SAMD12: variants seen among roughly 807,000 people sequenced by gnomAD.
SAMD12 encodes the protein sterile alpha motif domain containing 12, also known as sterile alpha motif domain-containing protein 12.
SAMD12 carries 9 observed loss-of-function variants against 15.0 expected under a neutral mutation model. The observed-to-expected ratio is 0.60, with a 90% CI of 0.36 to 1.05. The LOEUF (loss-of-function observed/expected upper bound fraction) is 1.05, where lower values mean the gene tolerates loss of function less well. SAMD12 is among the 50% of genes least tolerant of loss of function. SAMD12 has a pLI of 0.01. For missense variants in SAMD12, 230 were observed against 234.2 expected (o/e 0.98, Z 0.12); for synonymous variants, 86 against 90.1 (o/e 0.96, Z 0.25).
At chr8:118,426,693 C>T (rs1396870293) in intron 3 of SAMD12, among the ~76,000 whole-genome samples, 2 of 152,054 alleles carry the variant, frequency 1.3e-5, no homozygotes, top group African/African-American at 4.8e-5. Flanking sequence ...TGAATGTGTC[C>T]TTGGAGCAGT....
chr8:118,614,019 T>A (rs1228995736), intron 1 of SAMD12, among the ~76,000 whole-genome samples: 1 of 152,236 alleles, frequency 6.6e-6, no homozygotes, highest in African/African-American at 2.4e-5. Flanking sequence ...GAGGATGCCT[T>A]GTATTTTATC....
intron 1 of SAMD12, among the ~76,000 whole-genome samples, chr8:118,614,085 C>T (rs1050626364): frequency 3.9e-5 from 6 of 152,160 alleles, no homozygotes; most frequent in African/African-American, 1.4e-4. Context: ...CCTCATTGAG[C>T]ACACACTATT....
intron 4 of SAMD12, among the ~76,000 whole-genome samples, chr8:118,298,640 C>T (rs1814854890): frequency 6.6e-6 from 1 of 152,174 alleles, no homozygotes; most frequent in Admixed American, 6.5e-5. Flanking sequence ...TGCTAAGAAT[C>T]TACCTAAAAA....
chr8:118,226,902 TAAGTAG>T (rs1400152992), intron 4 of SAMD12, among the ~76,000 whole-genome samples: 1 of 152,058 alleles, frequency 6.6e-6, no homozygotes, highest in Non-Finnish European at 1.5e-5. Flanking sequence ...AGAGGGTGTA[TAAGTAG>T]AACATTCCAT....
rs138078182 is a variant in SAMD12, at chr8:118,609,624, T to C, written c.13+12180A>G. Among the ~76,000 whole-genome samples, 23 of 152,330 alleles carry C rather than the reference T, an allele frequency of 1.5e-4. 1 individual carries two copies. Among genetic ancestry groups the C allele is most frequent in the Middle Eastern group, 6.8e-3 (2 of 294 alleles). ...ACAATCCAAAATCATATCTTCTTTTTCACCTAAGAAACATTTCTAACATCT... is the reference window on the plus strand; with the variant it reads ...ACAATCCAAAATCATATCTTCTTTTCCACCTAAGAAACATTTCTAACATCT... On this transcript the variant is annotated intron_variant, in intron 1 of 3. Transcript: ENST00000314727.
intron 2 of SAMD12, among the ~76,000 whole-genome samples, chr8:118,442,487 T>C (rs574127395): frequency 6.6e-6 from 1 of 152,328 alleles, no homozygotes; most frequent in East Asian, 1.9e-4. Context: ...TGACTTTGCC[T>C]AATTTTGATG....
chr8:118,240,796 C>T (rs561294500), intron 4 of SAMD12, among the ~76,000 whole-genome samples: 4 of 152,230 alleles, frequency 2.6e-5, no homozygotes, highest in African/African-American at 9.6e-5. Context: ...TCAGAGAACA[C>T]AGGTCTTGCT....
chr8:118,282,533 G>A (rs1454650308), intron 4 of SAMD12, among the ~76,000 whole-genome samples: 3 of 152,186 alleles, frequency 2.0e-5, no homozygotes, highest in Non-Finnish European at 2.9e-5. Flanking sequence ...AATTGTTGAA[G>A]TTGAAATTGC....
At chr8:118,267,808 A>C (rs1207070318) in intron 4 of SAMD12, among the ~76,000 whole-genome samples, 1 of 152,042 alleles carries the variant, frequency 6.6e-6, no homozygotes, top group East Asian at 1.9e-4. Context: ...GAAATCCTAA[A>C]GGCTGGGCAT....
chr8:118,236,562 A>G (rs1242668560), intron 4 of SAMD12, among the ~76,000 whole-genome samples: 1 of 152,196 alleles, frequency 6.6e-6, no homozygotes, highest in Non-Finnish European at 1.5e-5. Flanking sequence ...ATAATGGATT[A>G]TTACAGAATT....
At chr8:118,586,457 C>T (rs1366621353) in intron 1 of SAMD12, among the ~76,000 whole-genome samples, 1 of 151,742 alleles carries the variant, frequency 6.6e-6, no homozygotes, top group African/African-American at 2.4e-5. Flanking sequence ...TTCCTTCCAC[C>T]TCAGCCACCC....
intron 2 of SAMD12, among the ~76,000 whole-genome samples, chr8:118,577,043 G>T (rs1369862773): frequency 6.6e-6 from 1 of 152,184 alleles, no homozygotes; most frequent in Non-Finnish European, 1.5e-5. Context: ...TTCTCTCTGA[G>T]TTTCCAAGTA....
At chr8:118,192,034 C>T (rs188679725) in exon 5 of SAMD12, 1 of 151,264 alleles carries the variant, frequency 6.6e-6, no homozygotes, top group African/African-American at 2.4e-5. Flanking sequence ...GGGAGAAGAC[C>T]ATGATCAGTT....
the SAMD12 span, among the ~76,000 whole-genome samples, chr8:118,136,826 GTAA>G: frequency 1.3e-5 from 2 of 152,150 alleles, no homozygotes; most frequent in Non-Finnish European, 2.9e-5. Flanking sequence ...AAGCAAAAGG[GTAA>G]TCAATCCGCA....
intron 2 of SAMD12, among the ~76,000 whole-genome samples, chr8:118,568,843 A>G (rs1826925951): frequency 6.6e-6 from 1 of 152,196 alleles, no homozygotes; most frequent in South Asian, 2.1e-4. Flanking sequence ...ACCTCAGTTG[A>G]AAAAGCATAT....
chr8:118,354,059 C>T (rs1818101380), intron 4 of SAMD12, among the ~76,000 whole-genome samples: 1 of 152,316 alleles, frequency 6.6e-6, no homozygotes, highest in South Asian at 2.1e-4. Context: ...TTGCTTGTTC[C>T]TGGGTGACTT....
chr8:118,394,411 C>T (rs114673142), intron 3 of SAMD12, among the ~76,000 whole-genome samples: 206 of 152,310 alleles, frequency 1.4e-3, no homozygotes, highest in African/African-American at 3.9e-3. Flanking sequence ...GTAAAGATGT[C>T]TATTTCCCTC....
At chr8:118,457,920 G>A (rs567411963) in intron 2 of SAMD12, among the ~76,000 whole-genome samples, 19 of 152,156 alleles carry the variant, frequency 1.2e-4, no homozygotes, top group Non-Finnish European at 2.2e-4. Context: ...GAGGGTGACC[G>A]GCCTCCTCTA....
intron 3 of SAMD12, among the ~76,000 whole-genome samples, chr8:118,385,042 G>C (rs961552134): frequency 6.6e-6 from 1 of 152,142 alleles, no homozygotes; most frequent in Non-Finnish European, 1.5e-5. Flanking sequence ...GAAAATTAGA[G>C]TTTTGCCGCA....
Sources: allele counts gnomAD v4.1 joint callset (sites outside exome capture counted in the v4.1 genomes callset), GRCh38; gene constraint gnomAD v4.1.1; transcripts MANE v1.5; gene names NCBI Gene and HGNC (gene_info 2026-07-23, HGNC 2026-07-21).